Variants in HMCN1 observed in about 807,000 individuals in gnomAD.
HMCN1 encodes hemicentin 1.
A neutral mutation model predicts 625.9 loss-of-function variants in HMCN1; 321 were observed. The ratio of observed to expected loss-of-function variants is 0.51; its 90% confidence interval spans 0.47 to 0.56. The LOEUF is 0.56. Among genes scored for constraint, HMCN1 ranks in the 20% least tolerant of loss-of-function variants. HMCN1 has a pLI of 0.00. For missense variants in HMCN1, 6,588 were observed against 6,887.3 expected, an observed-to-expected ratio of 0.96 and a Z score of 1.54; for synonymous variants, 2,425 against 2,417.6, an observed-to-expected ratio of 1.00 and a Z score of -0.09.
chr1:186,041,209 G>A (rs537245257), intron 40 of HMCN1, 73 bp downstream of exon 40: 23 of 1,328,638 alleles, frequency 1.7e-5, no homozygotes, highest in Non-Finnish European at 1.7e-5. Context: ...AGAAAGTTAA[G>A]GGAAGTTGTT....
At chr1:185,858,451 G>A (rs1455964373) in intron 2 of HMCN1, among the ~76,000 whole-genome samples, 2 of 151,216 alleles carry the variant, frequency 1.3e-5, no homozygotes, top group Admixed American at 1.3e-4. Flanking sequence ...TTTTTGAGAC[G>A]GAGTCTTACT....
chr1:185,871,817 C>T (rs1439685098), intron 4 of HMCN1, among the ~76,000 whole-genome samples: 1 of 152,142 alleles, frequency 6.6e-6, no homozygotes, highest in African/African-American at 2.4e-5. Flanking sequence ...GGCTAATGGC[C>T]ATTTAGGACT....
intron 4 of HMCN1, among the ~76,000 whole-genome samples, chr1:185,886,201 G>A (rs1041752539): frequency 1.6e-4 from 24 of 149,858 alleles, no homozygotes; most frequent in Non-Finnish European, 2.7e-4. Flanking sequence ...TTTTTACTGC[G>A]TGTTCTATTG....
intron 42 of HMCN1, among the ~76,000 whole-genome samples, chr1:186,052,126 G>GT (rs1053430544): frequency 6.6e-6 from 1 of 151,812 alleles, no homozygotes; most frequent in African/African-American, 2.4e-5. Context: ...AGAATGACAG[G>GT]TTTACAGATG....
intron 11 of HMCN1, among the ~76,000 whole-genome samples, chr1:185,950,197 A>C (rs1668572367): frequency 6.6e-6 from 1 of 151,282 alleles, no homozygotes; most frequent in Admixed American, 6.6e-5. Context: ...GCCAGGGACA[A>C]CGGTAATTGT....
chr1:185,859,264 G>T (rs2102345688), intron 2 of HMCN1, among the ~76,000 whole-genome samples: 1 of 151,938 alleles, frequency 6.6e-6, no homozygotes, highest in African/African-American at 2.4e-5. Flanking sequence ...AATAACTTCT[G>T]CCAGGAAAGA....
chr1:186,181,674 GTATGGGAAAGC>G (rs1369290121), intron 104 of HMCN1, among the ~76,000 whole-genome samples: 1 of 152,156 alleles, frequency 6.6e-6, no homozygotes, highest in Non-Finnish European at 1.5e-5. Context: ...TGATATCTGT[GTATGGGAAAGC>G]TATGCATGAG....
At chr1:185,888,434 G>A (rs1404791833) in intron 4 of HMCN1, among the ~76,000 whole-genome samples, 1 of 143,662 alleles carries the variant, frequency 7.0e-6, no homozygotes, top group Admixed American at 6.6e-5. Context: ...GGGTTTTTAT[G>A]GTTTTAGGTC....
intron 4 of HMCN1, among the ~76,000 whole-genome samples, chr1:185,906,821 A>G (rs1442259798): frequency 2.6e-5 from 4 of 151,564 alleles, no homozygotes; most frequent in Non-Finnish European, 5.9e-5. Context: ...CTTAAAACAG[A>G]TATTCTGTCC....
intron 4 of HMCN1, among the ~76,000 whole-genome samples, chr1:185,903,455 G>GT (rs57658153): frequency 0.017 from 2,553 of 147,946 alleles, 78 homozygotes; most frequent in African/African-American, 0.058. Context: ...CAGAAAGTCT[G>GT]TTTTTTTTTT....
intron 47 of HMCN1, 35 bp downstream of exon 47, chr1:186,061,999 T>C: frequency 8.0e-7 from 1 of 1,243,292 alleles, no homozygotes; most frequent in Non-Finnish European, 1.2e-6. Flanking sequence ...AGAAGAAACT[T>C]AAATTGCCTT....
chr1:186,044,671 T>C (rs984298290), intron 40 of HMCN1, among the ~76,000 whole-genome samples: 1 of 152,146 alleles, frequency 6.6e-6, no homozygotes, highest in Non-Finnish European at 1.5e-5. Context: ...GCTACAAATA[T>C]GGCAAATTTT....
intron 1 of HMCN1, among the ~76,000 whole-genome samples, chr1:185,793,820 A>G (rs1470750410): frequency 6.6e-6 from 1 of 152,202 alleles, no homozygotes; most frequent in African/African-American, 2.4e-5. Flanking sequence ...CCTTGGAGGT[A>G]AAAGTCATAC....
intron 15 of HMCN1, 114 bp from the exon 16 acceptor site, chr1:185,977,673 A>G (rs1470584604): frequency 1.7e-5 from 13 of 769,038 alleles, no homozygotes; most frequent in Non-Finnish European, 2.5e-5. Context: ...AATTTACAAT[A>G]TAATATGAAC....
chr1:185,870,227 A>T (rs771092129), intron 4 of HMCN1, among the ~76,000 whole-genome samples: 9 of 152,314 alleles, frequency 5.9e-5, no homozygotes, highest in Admixed American at 1.3e-4. Flanking sequence ...GAATACAGAC[A>T]AGGAACTAAA....
intron 10 of HMCN1, among the ~76,000 whole-genome samples, chr1:185,929,741 GC>G (rs1558072855): frequency 6.6e-6 from 1 of 152,168 alleles, no homozygotes; most frequent in African/African-American, 2.4e-5. Context: ...TAAAGCAGAA[GC>G]ATGCAAGTCA....
In HMCN1 at chr1:186,088,216, T is replaced by C. The variant is rs113746146; in HGVS notation, c.9517T>C (p.Cys3173Arg). Residue 3173 changes from cysteine (C) to arginine (R), a missense_variant, in exon 62 of 107, where the codon TGT (cysteine) becomes CGT (arginine). By Grantham distance (180) the Cys-to-Arg change is radical. Around this residue, in one of 3 missense-constraint regions of HMCN1, gnomAD observed 4,628 missense variants for 4,853.1 expected, o/e 0.95. Coordinates refer to ENST00000271588, the MANE Select transcript of HMCN1 (RefSeq NM_031935.3). The stretch of plus-strand genomic sequence containing the variant: ...GATCAGCAATCCTGTGACATTAACA[T>C]GTGATGCCACTGGGATCCCACCTCC... ...ETISNPVTLT[C>R]DATGIPPPTI... 6.2e-7 allele frequency: 1 copy of C among 1,612,984 alleles called. No individual in the cohort carries two copies. The highest frequency in any genetic ancestry group is 8.5e-7 in the Non-Finnish European group (1 of 1,179,376).
At chr1:186,020,733 A>G (rs1012086672) in intron 35 of HMCN1, among the ~76,000 whole-genome samples, 3 of 152,090 alleles carry the variant, frequency 2.0e-5, no homozygotes, top group Admixed American at 6.6e-5. Flanking sequence ...TAAATGGGTG[A>G]ATTAATGGAA....
intron 4 of HMCN1, among the ~76,000 whole-genome samples, chr1:185,896,484 C>T (rs1362124454): frequency 6.6e-6 from 1 of 151,986 alleles, no homozygotes; most frequent in Non-Finnish European, 1.5e-5. Flanking sequence ...GCAGGTAGTA[C>T]AATAATGTGT....
Sources: gnomAD v4.1 joint callset for allele counts (sites outside exome capture counted in the v4.1 genomes callset) on GRCh38, gnomAD v4.1.1 for gene constraint, gnomAD v4.1.1 regional missense constraint, MANE v1.5 for transcripts, NCBI Gene and HGNC (gene_info 2026-07-23, HGNC 2026-07-21) for gene names.